Variants in MRPS6 observed in about 807,000 individuals in gnomAD.
MRPS6 encodes the protein mitochondrial ribosomal protein S6.
In MRPS6, 6 loss-of-function variants were observed where a neutral mutation model predicts 13.1. The ratio of observed to expected loss-of-function variants is 0.46; its 90% CI spans 0.25 to 0.91. MRPS6 has a LOEUF of 0.91. Among genes scored for constraint, MRPS6 ranks in the 40% least tolerant of loss-of-function variants. MRPS6 has a pLI of 0.18. For synonymous variants in MRPS6, 61 were observed against 56.5 expected (o/e 1.08, Z -0.36); for missense variants, 164 against 155.6 (o/e 1.05, Z -0.29).
chr21:34,127,067 TC>T (rs1256256433), intron 2 of MRPS6, among the ~76,000 whole-genome samples: 1 of 152,214 alleles, frequency 6.6e-6, no homozygotes, highest in African/African-American at 2.4e-5. Flanking sequence ...ACTTCTGGGT[TC>T]CCCCCTGGCA....
At chr21:34,132,461 C>T (rs531571498) in intron 2 of MRPS6, among the ~76,000 whole-genome samples, 60 of 152,284 alleles carry the variant, frequency 3.9e-4, no homozygotes, top group African/African-American at 1.4e-3. Context: ...CGTTGTCATG[C>T]CTGGTGGCAG....
chr21:34,096,848 G>C lies in MRPS6; in HGVS notation c.45+23103G>C, dbSNP rs760014481. 6 of 1,613,942 alleles carry C rather than the reference G, an allele frequency of 3.7e-6. No individual in the cohort carries two copies. The highest frequency in any genetic ancestry group is 5.1e-6 in the Non-Finnish European group (6 of 1,180,000). On this transcript the variant is annotated intron_variant, in intron 1 of 2. Transcript: ENST00000399312. This position sits in a 1 kb window ranked among gnomAD's most constrained non-coding sequence, Gnocchi z 5.9. ...GAACCACCACCTTTTGGTCTAAGAA[G>C]AACCTGGTGGTGAAGGAGAACTGCT...
intron 1 of MRPS6, among the ~76,000 whole-genome samples, chr21:34,076,273 C>T (rs1602898412): frequency 6.6e-6 from 1 of 152,232 alleles, no homozygotes; most frequent in Non-Finnish European, 1.5e-5. Flanking sequence ...CCTCCCTGTC[C>T]TCATTACTTT....
chr21:34,097,656 TAA>T, intron 1 of MRPS6: 1 of 1,080,316 alleles, frequency 9.3e-7, no homozygotes, highest in Non-Finnish European at 1.1e-6. Context: ...GAATATATGT[TAA>T]GTTACCATGA....
intron 1 of MRPS6, chr21:34,122,704 A>G (rs985491658): frequency 1.8e-4 from 26 of 148,312 alleles, no homozygotes; most frequent in Non-Finnish European, 3.8e-4. Context: ...CTAATCAATC[A>G]AATGTTTTTT....
intron 2 of MRPS6, among the ~76,000 whole-genome samples, chr21:34,134,029 G>T (rs1980600117): frequency 6.6e-6 from 1 of 152,192 alleles, no homozygotes; most frequent in African/African-American, 2.4e-5. Flanking sequence ...AATTATTGTG[G>T]GGCAAGGGGA....
chr21:34,097,566 C>G, intron 1 of MRPS6: 1 of 1,334,922 alleles, frequency 7.5e-7, no homozygotes, highest in Non-Finnish European at 9.6e-7. Context: ...ACCTAACAGA[C>G]TGAATTGTGC....
intron 1 of MRPS6, among the ~76,000 whole-genome samples, chr21:34,119,140 G>A (rs554486924): frequency 1.3e-5 from 2 of 152,242 alleles, no homozygotes; most frequent in South Asian, 4.1e-4. Flanking sequence ...TCAATAAATT[G>A]TTGGGCAAAA....
chr21:34,114,403 CCA>C (rs1267462077), intron 1 of MRPS6, among the ~76,000 whole-genome samples: 27 of 152,130 alleles, frequency 1.8e-4, no homozygotes, highest in Non-Finnish European at 2.8e-4. Context: ...TGCAATTCAG[CCA>C]GAGTCATTCA....
chr21:34,124,261 G>GT (rs1161978579), intron 1 of MRPS6: 2 of 152,230 alleles, frequency 1.3e-5, no homozygotes, highest in Non-Finnish European at 2.9e-5. Context: ...TTTAGCTGTA[G>GT]TGACAGTTGC....
In MRPS6 at chr21:34,096,489, GAGA is replaced by G; in HGVS notation, c.45+22745_45+22747del. ...CATAGCATGGGTGCCAATCATCGTG[GAGA>G]TGCAAGGAGGCCAGATGTACCTTTA... On this transcript the variant is annotated intron_variant, in intron 1 of 2. Transcript: ENST00000399312. The surrounding 1 kb of genome is among the most constrained non-coding windows in gnomAD (Gnocchi z 5.9). The G allele has an allele frequency of 6.2e-7, 1 of 1,614,198 alleles. No homozygotes were observed. The highest frequency in any genetic ancestry group is 8.5e-7 in the Non-Finnish European group (1 of 1,180,026).
rs1980945151 is a variant in MRPS6 at position 34,142,648 on chromosome 21, G to A, written c.*48G>A. On this transcript the variant is annotated 3_prime_UTR_variant, in exon 3 of 3. Coordinates refer to ENST00000399312, the MANE Select transcript of MRPS6 (RefSeq NM_032476.4). ...TTATATGTAATTCCTTCACATTTGG[G>A]CAGCATGGACGAGAAGGAAGAATTT... 1.3e-6 allele frequency: 2 copies of A among 1,512,478 alleles called. No homozygotes were observed. Among genetic ancestry groups the A allele is most frequent in the South Asian group, 1.4e-5 (1 of 72,406 alleles). 93.7% of individuals were successfully genotyped at this position (1,512,478 alleles called of 1,614,324 possible).
chr21:34,086,312 T>C (rs1978375120), intron 1 of MRPS6, among the ~76,000 whole-genome samples: 1 of 152,146 alleles, frequency 6.6e-6, no homozygotes, highest in African/African-American at 2.4e-5. Context: ...AGATTAATTC[T>C]TGGTGTGGGT....
At chr21:34,135,779 G>A (rs1045233598) in intron 2 of MRPS6, 14 of 496,714 alleles carry the variant, frequency 2.8e-5, no homozygotes, top group Admixed American at 1.6e-4. Context: ...TTGATGATGC[G>A]CACAGTCATG....
chr21:34,133,371 T>C (rs1980572312), intron 2 of MRPS6, among the ~76,000 whole-genome samples: 1 of 152,128 alleles, frequency 6.6e-6, no homozygotes, highest in Non-Finnish European at 1.5e-5. Context: ...TGAGAATTGA[T>C]TAGTGGGCAG....
rs751642021 is a variant in MRPS6, at chr21:34,096,485, C to T, written c.45+22740C>T. 66 of 1,614,158 alleles carry T rather than the reference C, an allele frequency of 4.1e-5. No homozygotes were observed. The highest frequency in any genetic ancestry group is 3.3e-4 in the Middle Eastern group (2 of 6,062). Reference sequence around the variant, plus strand: ...TCAGCATAGCATGGGTGCCAATCATCGTGGAGATGCAAGGAGGCCAGATGT... The same window carrying T: ...TCAGCATAGCATGGGTGCCAATCATTGTGGAGATGCAAGGAGGCCAGATGT... On this transcript the variant is annotated intron_variant, in intron 1 of 2. Coordinates refer to ENST00000399312, the MANE Select transcript of MRPS6 (RefSeq NM_032476.4). The surrounding 1 kb of genome is among the most constrained non-coding windows in gnomAD (Gnocchi z 5.9).
chr21:34,105,895 A>G (rs1428035787), intron 1 of MRPS6: 1 of 988,406 alleles, frequency 1.0e-6, no homozygotes, highest in Non-Finnish European at 1.2e-6. Context: ...TAAAATCATG[A>G]CAATTCTAAC....
intron 1 of MRPS6, among the ~76,000 whole-genome samples, chr21:34,121,249 A>G (rs940477444): frequency 6.6e-6 from 1 of 152,036 alleles, no homozygotes; most frequent in Admixed American, 6.5e-5. Context: ...ACTTTCATCA[A>G]ACTTTGTTGT....
chr21:34,090,152 T>C (rs1442459210), intron 1 of MRPS6, among the ~76,000 whole-genome samples: 1 of 152,258 alleles, frequency 6.6e-6, no homozygotes, highest in Non-Finnish European at 1.5e-5. Context: ...GTGTTGTCTT[T>C]AGCTCCACTT....
Sources: allele counts gnomAD v4.1 joint callset (sites outside exome capture counted in the v4.1 genomes callset), GRCh38; gene constraint gnomAD v4.1.1; non-coding constraint Gnocchi (gnomAD v3.1); transcripts MANE v1.5; gene names NCBI Gene and HGNC (gene_info 2026-07-23, HGNC 2026-07-21).